Variants in CWC27 observed in about 807,000 individuals in gnomAD.
The protein encoded by CWC27 is spliceosome-associated protein CWC27 homolog.
Under a neutral mutation model 63.6 loss-of-function variants are expected in CWC27, and 47 were observed. The ratio of observed to expected loss-of-function variants is 0.74; its 90% CI spans 0.58 to 0.94. The LOEUF (loss-of-function observed/expected upper bound fraction) is 0.94, where lower values mean the gene tolerates loss of function less well. Ranked by LOEUF, CWC27 falls within the 40% of genes least tolerant of loss-of-function variation. The pLI, the probability that CWC27 is intolerant of heterozygous loss-of-function variation, is 0.00. For missense variants in CWC27, 495 were observed against 554.3 expected (o/e 0.89, Z 1.07); for synonymous variants, 175 against 179.8 (o/e 0.97, Z 0.22).
chr5:65,013,932 T>G (rs371752490), intron 13 of CWC27, among the ~76,000 whole-genome samples: 2 of 152,182 alleles, frequency 1.3e-5, no homozygotes, highest in East Asian at 3.8e-4. Context: ...TGTCTGAGAA[T>G]CAGTTCCTCT....
intron 10 of CWC27, among the ~76,000 whole-genome samples, chr5:64,815,663 A>G (rs1204819599): frequency 1.3e-5 from 2 of 152,160 alleles, no homozygotes; most frequent in Non-Finnish European, 2.9e-5. Flanking sequence ...TATAATAAAA[A>G]TTATATAATT....
intron 1 of CWC27, 105 bp downstream of exon 1, chr5:64,769,293 C>T (rs1470952270): frequency 5.2e-6 from 5 of 962,498 alleles, no homozygotes; most frequent in Non-Finnish European, 8.4e-6. Flanking sequence ...AGGAAGAGAC[C>T]ACGAGAAGTG....
intron 11 of CWC27, among the ~76,000 whole-genome samples, chr5:64,959,084 T>C (rs1290054388): frequency 6.6e-6 from 1 of 152,152 alleles, no homozygotes; most frequent in Non-Finnish European, 1.5e-5. Flanking sequence ...TTTATTGTAG[T>C]CCATAGTATA....
intron 10 of CWC27, among the ~76,000 whole-genome samples, chr5:64,835,520 G>A (rs552570145): frequency 7.2e-5 from 11 of 151,874 alleles, no homozygotes; most frequent in African/African-American, 2.4e-4. Context: ...ATGTAAATTA[G>A]CAGTGGAAAT....
At chr5:64,999,515 A>T (rs1384748314) in intron 13 of CWC27, among the ~76,000 whole-genome samples, 1 of 152,054 alleles carries the variant, frequency 6.6e-6, no homozygotes, top group African/African-American at 2.4e-5. Flanking sequence ...AGCCCCTGGT[A>T]ACCATCATTC....
At chr5:64,804,577 A>G in intron 10 of CWC27, 191 bp downstream of exon 10, 1 of 514,126 alleles carries the variant, frequency 1.9e-6, no homozygotes, top group Non-Finnish European at 3.4e-6. Flanking sequence ...AAACATAACA[A>G]TGATCCTATG....
At chr5:64,929,503 A>G (rs1748192935) in intron 11 of CWC27, among the ~76,000 whole-genome samples, 1 of 152,226 alleles carries the variant, frequency 6.6e-6, no homozygotes, top group Non-Finnish European at 1.5e-5. Context: ...TTGAGAACAC[A>G]CAACTCAAGA....
chr5:64,828,430 A>T lies in CWC27; in HGVS notation c.938+24044A>T, dbSNP rs575207876. Among the ~76,000 whole-genome samples, 8 of 150,360 alleles carry T rather than the reference A, an allele frequency of 5.3e-5. No homozygotes were observed. The South Asian group carries it at 1.7e-3, about 32-fold the overall frequency. On this transcript the variant is annotated intron_variant, in intron 10 of 13. Coordinates refer to ENST00000381070, the MANE Select transcript of CWC27 (RefSeq NM_005869.4). ...GTCCGGCTGGCTTATAAATAACTGA[A>T]TTTTTTTTTTCTCACAGTTCTGGAG...
At chr5:64,809,735 AGTTGGGTTATTT>A (rs1300906327) in intron 10 of CWC27, among the ~76,000 whole-genome samples, 4 of 152,186 alleles carry the variant, frequency 2.6e-5, no homozygotes, top group Admixed American at 2.6e-4. Flanking sequence ...CCTATTTTTT[AGTTGGGTTATTT>A]GTTTTATTGC....
chr5:64,822,336 A>T (rs1055515721), intron 10 of CWC27, among the ~76,000 whole-genome samples: 13 of 152,234 alleles, frequency 8.5e-5, no homozygotes, highest in Non-Finnish European at 1.8e-4. Flanking sequence ...CTGTGTGTAT[A>T]CAAAGAAATC....
chr5:64,923,544 G>C (rs958725263), intron 11 of CWC27, among the ~76,000 whole-genome samples: 1 of 149,042 alleles, frequency 6.7e-6, no homozygotes, highest in African/African-American at 2.5e-5. Context: ...CAGAGGGTCT[G>C]TGTGGACTAT....
chr5:64,934,810 T>C (rs541964358), intron 11 of CWC27, among the ~76,000 whole-genome samples: 1 of 152,362 alleles, frequency 6.6e-6, no homozygotes, highest in South Asian at 2.1e-4. Flanking sequence ...TGGCGTGAGA[T>C]AGTGTCTCAC....
intron 11 of CWC27, among the ~76,000 whole-genome samples, chr5:64,940,419 C>T (rs548009208): frequency 2.0e-5 from 3 of 152,276 alleles, no homozygotes; most frequent in East Asian, 1.9e-4. Context: ...CACCCTGTTT[C>T]GGCTCACCCT....
chr5:64,933,379 A>G (rs936068996), intron 11 of CWC27, among the ~76,000 whole-genome samples: 1 of 152,232 alleles, frequency 6.6e-6, no homozygotes, highest in Non-Finnish European at 1.5e-5. Flanking sequence ...AGAAAACAGT[A>G]CAATGAACTC....
chr5:64,801,559 T>G (rs1240382283), intron 9 of CWC27, among the ~76,000 whole-genome samples: 2 of 152,008 alleles, frequency 1.3e-5, no homozygotes, highest in Non-Finnish European at 2.9e-5. Flanking sequence ...AACATTAGAA[T>G]CTTATATATG....
chr5:64,823,318 C>A (rs927324528), intron 10 of CWC27, among the ~76,000 whole-genome samples: 1 of 152,142 alleles, frequency 6.6e-6, no homozygotes, highest in African/African-American at 2.4e-5. Context: ...CCAACCATGG[C>A]GTATTTCAAA....
intron 10 of CWC27, among the ~76,000 whole-genome samples, chr5:64,869,520 A>G (rs1746613362): frequency 6.6e-6 from 1 of 151,966 alleles, no homozygotes; most frequent in African/African-American, 2.4e-5. Flanking sequence ...CAGAGAAGTT[A>G]AGTCTATGAA....
chr5:64,895,628 A>G (rs1278006491), intron 11 of CWC27, among the ~76,000 whole-genome samples: 1 of 152,188 alleles, frequency 6.6e-6, no homozygotes, highest in Non-Finnish European at 1.5e-5. Flanking sequence ...TAGAAACATC[A>G]GACAACAGAA....
Position 64,972,795 on chromosome 5 carries a change from A to G in CWC27, c.1152+983A>G, listed in dbSNP as rs1284841412. Reference sequence around the variant, plus strand: ...CATTCCCTTGTAGCAAATAATTATTAAGAACCTGCCATGTACTAATCACTG... The same window carrying G: ...CATTCCCTTGTAGCAAATAATTATTGAGAACCTGCCATGTACTAATCACTG... On this transcript the variant is annotated intron_variant, in intron 12 of 13. Coordinates refer to ENST00000381070, the MANE Select transcript of CWC27 (RefSeq NM_005869.4). The G allele has an allele frequency of 1.2e-5, 5 of 415,818 alleles. No homozygotes were observed. In the East Asian group the frequency reaches 3.5e-4, roughly 29 times the overall value. The allele number at this position is 415,818 out of a possible 1,614,324, so 25.8% of individuals were successfully genotyped here.
Sources: allele counts gnomAD v4.1 joint callset (sites outside exome capture counted in the v4.1 genomes callset), GRCh38; gene constraint gnomAD v4.1.1; transcripts MANE v1.5; gene names NCBI Gene and HGNC (gene_info 2026-07-23, HGNC 2026-07-21).